EIF2S3: variants seen among roughly 807,000 people sequenced by gnomAD.
EIF2S3 encodes the protein eukaryotic translation initiation factor 2 subunit 3.
EIF2S3 carries 2 observed loss-of-function variants against 31.7 expected under a neutral mutation model. The observed-to-expected ratio is 0.06, with a 90% CI of 0.03 to 0.20. EIF2S3 has a LOEUF of 0.20. Among genes scored for constraint, EIF2S3 ranks in the 10% least tolerant of loss-of-function variants. EIF2S3 has a pLI of 1.00. For missense variants in EIF2S3, 96 were observed against 359.3 expected (o/e 0.27, Z 5.92); for synonymous variants, 120 against 126.7 (o/e 0.95, Z 0.36).
chrX:24,065,982 A>AT lies in EIF2S3; in HGVS notation c.773-13dup, dbSNP rs770555580. On this transcript the variant is annotated splice_polypyrimidine_tract_variant and intron_variant, in intron 7 of 11. Coordinates refer to ENST00000253039, the MANE Select transcript of EIF2S3 (RefSeq NM_001415.4). ...GTTAAGATTAACAGAACTGACTTTA[A>AT]TTTGTTTTATTTTAGTTATTAGATC... The AT allele has an allele frequency of 2.6e-6, 3 of 1,163,359 alleles. No individual in the cohort carries two copies. In the South Asian group the frequency reaches 5.7e-5, roughly 22 times the overall value.
chrX:24,056,102 A>G (rs762873906), intron 2 of EIF2S3, among the ~76,000 whole-genome samples: 11 of 111,959 alleles, frequency 9.8e-5, no homozygotes, highest in African/African-American at 3.6e-4. Flanking sequence ...AGTTACGTTG[A>G]CTGAGTGTAA....
Position 24,073,190 on chromosome X carries a change from G to C in EIF2S3, c.1282G>C (p.Val428Leu). Residue 428 changes from valine to leucine, a missense_variant, in exon 11 of 12, where the codon GTT becomes CTT. Around this residue, in one of 5 missense-constraint regions of EIF2S3, gnomAD observed 10 missense variants for 118.9 expected, o/e 0.08. Transcript: ENST00000253039. ...SAVKADLGKI[V>L]LTNPVCTEVG... ...TGTCAAGGCCGATTTGGGTAAAATT[G>C]TTTTGACCAATCCAGTGTGCACAGA... The C allele has an allele frequency of 8.3e-7, 1 of 1,211,772 alleles. No individual in the cohort carries two copies. The highest frequency in any genetic ancestry group is 1.1e-6 in the Non-Finnish European group (1 of 895,564).
chrX:24,057,796 T>C (rs1930427131), intron 4 of EIF2S3, 42 bp downstream of exon 4: 1 of 1,163,835 alleles, frequency 8.6e-7, no homozygotes, highest in Admixed American at 2.6e-5. Flanking sequence ...TTATATTTTA[T>C]TGTCTTCTGT....
chrX:24,077,918 T>C lies in EIF2S3; in HGVS notation c.*1133T>C, dbSNP rs1465588019. ...ATGATTGTGACATAGATTATACTAC[T>C]ACTAATTTTTGGATGTTTCAAAAGG... On this transcript the variant is annotated 3_prime_UTR_variant, in exon 12 of 12. Transcript: ENST00000253039. 8.9e-6 allele frequency: 1 copy of C among 112,309 alleles called. No individual in the cohort carries two copies. The highest frequency in any genetic ancestry group is 1.9e-5 in the Non-Finnish European group (1 of 53,316). 9.3% of individuals were successfully genotyped at this position (112,309 alleles called of 1,213,427 possible).
At chrX:24,056,731 T>C (rs1211261402) in intron 2 of EIF2S3, among the ~76,000 whole-genome samples, 1 of 111,363 alleles carries the variant, frequency 9.0e-6, no homozygotes, top group Admixed American at 9.6e-5. Context: ...TGGTGGTGCA[T>C]GCCTGCAGTC....
rs1463183478 is a variant in EIF2S3 at position 24,068,182 on chromosome X, A to G, written c.1012+74A>G. Reference sequence around the variant, plus strand: ...TTTTCATGGGGGATGGATTACCAAAAGGGACATATTACAGATTTTTAATTG... The same window carrying G: ...TTTTCATGGGGGATGGATTACCAAAGGGGACATATTACAGATTTTTAATTG... On this transcript the variant is annotated intron_variant, in intron 9 of 11. Transcript: ENST00000253039. 3.3e-5 allele frequency: 33 copies of G among 999,333 alleles called. No homozygotes were observed. In the East Asian group the frequency reaches 1.0e-3, roughly 31 times the overall value. 82.4% of individuals were successfully genotyped at this position (999,333 alleles called of 1,213,427 possible).
intron 9 of EIF2S3, among the ~76,000 whole-genome samples, chrX:24,071,197 T>C (rs1488926144): frequency 1.8e-5 from 2 of 108,924 alleles, no homozygotes; most frequent in African/African-American, 6.7e-5. Context: ...TAATTCACTT[T>C]TTTTTTTTTT....
intron 2 of EIF2S3, among the ~76,000 whole-genome samples, chrX:24,056,860 C>T (rs141524147): frequency 0.017 from 1,913 of 111,211 alleles, 40 homozygotes; most frequent in African/African-American, 0.059. Flanking sequence ...CCCTGTCTGT[C>T]CCAGAGTATA....
chrX:24,074,862 C>CTTTTTTTTTTTTTTTTTTTTTTT (rs758813480), intron 11 of EIF2S3, among the ~76,000 whole-genome samples: 18 of 47,474 alleles, frequency 3.8e-4, no homozygotes, highest in Admixed American at 8.4e-4. Flanking sequence ...TTTTCTTCTT[C>CTTTTTTTTTTTTTTTTTTTTTTT]TTTTTTTTTT....
At chrX:24,071,872 GTTT>G in intron 10 of EIF2S3, 145 bp downstream of exon 10, 6 of 523,586 alleles carry the variant, frequency 1.1e-5, no homozygotes, top group Non-Finnish European at 1.7e-5. Context: ...AAAATTGAGG[GTTT>G]TTTTTTTTTT....
rs1355563625 is a variant in EIF2S3, at chrX:24,055,130, ATGGGTCAGGAGCC to A, written c.69+105_69+117del. Reference sequence around the variant, plus strand: ...ATTGGGACTAGTCAGTGTCGGGAGCATGGGTCAGGAGCCTGGGTCAGGAGGGAGACCTGGAACT... The same window carrying A: ...ATTGGGACTAGTCAGTGTCGGGAGCATGGGTCAGGAGGGAGACCTGGAACT... On this transcript the variant is annotated intron_variant, in intron 1 of 11. Transcript: ENST00000253039. The A allele has an allele frequency of 4.9e-6, 5 of 1,011,993 alleles. No homozygotes were observed. The African/African-American group carries it at 5.6e-5, about 11-fold the overall frequency. The allele number at this position is 1,011,993 out of a possible 1,213,427, so 83.4% of individuals were successfully genotyped here.
chrX:24,072,218 C>G lies in EIF2S3; in HGVS notation c.1182+491C>G, dbSNP rs771866732. The stretch of plus-strand genomic sequence containing the variant: ...TATGGCAGTTAGTTTAAGAAAGAAA[C>G]TTAATAAACAGGGAAAAGTATTAGC... On this transcript the variant is annotated intron_variant, in intron 10 of 11. Transcript: ENST00000253039. Among the ~76,000 whole-genome samples the G allele has an allele frequency of 8.1e-5, 9 of 111,542 alleles. No individual in the cohort carries two copies. The East Asian group carries it at 2.5e-3, about 31-fold the overall frequency.
Position 24,073,165 on chromosome X carries a change from T to C in EIF2S3, c.1257T>C (p.Ala419=), listed in dbSNP as rs773780333. The change falls in exon 11 of 12, where the codon GCT becomes GCC. Residue 419 remains alanine (A), a synonymous_variant. Transcript: ENST00000253039. ...GSLSTGGRVS[A]VKADLGKIVL... is the part of the protein sequence containing the mutation. ...TGTCAACAGGAGGGAGAGTTAGTGCTGTCAAGGCCGATTTGGGTAAAATTG... is the reference window on the plus strand; with the variant it reads ...TGTCAACAGGAGGGAGAGTTAGTGCCGTCAAGGCCGATTTGGGTAAAATTG... The C allele has an allele frequency of 3.6e-5, 44 of 1,211,877 alleles. No individual in the cohort carries two copies. Among genetic ancestry groups the C allele is most frequent in the Non-Finnish European group, 4.9e-5 (44 of 895,569 alleles).
chrX:24,070,566 G>C (rs962999074), intron 9 of EIF2S3, among the ~76,000 whole-genome samples: 10 of 101,335 alleles, frequency 9.9e-5, no homozygotes, highest in Non-Finnish European at 1.4e-4. Context: ...TTAGCCTCTC[G>C]AGTAGCTGGG....
intron 11 of EIF2S3, among the ~76,000 whole-genome samples, chrX:24,076,130 A>T (rs1211873846): frequency 1.8e-5 from 2 of 111,990 alleles, no homozygotes; most frequent in African/African-American, 6.5e-5. Flanking sequence ...TTAAGTAAAT[A>T]ATTATTTGTG....
rs781385103 is a variant in EIF2S3 at position 24,078,752 on chromosome X, C to T, written c.*1967C>T. 1.8e-5 allele frequency among the ~76,000 whole-genome samples: 2 copies of T among 111,968 alleles called. No individual in the cohort carries two copies. The highest frequency in any genetic ancestry group is 3.8e-5 in the Non-Finnish European group (2 of 53,230). On this transcript the variant is annotated 3_prime_UTR_variant, in exon 12 of 12. Coordinates refer to ENST00000253039, the MANE Select transcript of EIF2S3 (RefSeq NM_001415.4). ...ATATTAATGTTATAAACTTCGCTGACTTTGAAGGTTGTGTTGTAGCATGAG... is the reference window on the plus strand; with the variant it reads ...ATATTAATGTTATAAACTTCGCTGATTTTGAAGGTTGTGTTGTAGCATGAG...
rs141056868 is a variant in EIF2S3, at chrX:24,064,746, G to A, written c.772+411G>A. On this transcript the variant is annotated intron_variant, in intron 7 of 11. Coordinates refer to ENST00000253039, the MANE Select transcript of EIF2S3 (RefSeq NM_001415.4). Reference sequence around the variant, plus strand: ...CGGGAGGCTGAGGCAGGAGAATGGCGCGAACCCGGGAAGCGGAGGTTGCAA... The same window carrying A: ...CGGGAGGCTGAGGCAGGAGAATGGCACGAACCCGGGAAGCGGAGGTTGCAA... Among the ~76,000 whole-genome samples the A allele has an allele frequency of 3.4e-3, 376 of 111,387 alleles. 8 individuals are homozygous for A. In the East Asian group the frequency reaches 0.087, roughly 26 times the overall value.
chrX:24,060,520 G>A (rs1173030824), intron 5 of EIF2S3: 2 of 259,238 alleles, frequency 7.7e-6, no homozygotes, highest in East Asian at 1.6e-4. Context: ...TTGTGTGTGT[G>A]TATGTCTGAA....
chrX:24,054,981 G>A lies in EIF2S3; in HGVS notation c.13G>A (p.Glu5Lys). ...CTCTTTTGGCAACATGGCGGGCGGA[G>A]AAGCTGGAGTGACTCTAGGGCAGCC... MAGG[E>K]AGVTLGQPHL... The change falls in exon 1 of 12, where the codon GAA (glutamate) becomes AAA (lysine). Residue 5 changes from glutamate to lysine, a missense_variant. Glu to Lys is a moderately conservative substitution (Grantham distance 56, BLOSUM62 1). Coordinates refer to ENST00000253039, the MANE Select transcript of EIF2S3 (RefSeq NM_001415.4). 8.3e-7 allele frequency: 1 copy of A among 1,210,992 alleles called. No individual in the cohort carries two copies. The highest frequency in any genetic ancestry group is 1.1e-6 in the Non-Finnish European group (1 of 895,422).
Sources: allele counts gnomAD v4.1 joint callset (sites outside exome capture counted in the v4.1 genomes callset), GRCh38; gene constraint gnomAD v4.1.1; regional missense constraint gnomAD v4.1.1; transcripts MANE v1.5; gene names NCBI Gene and HGNC (gene_info 2026-07-23, HGNC 2026-07-21).